COL15A1: variants seen among roughly 807,000 people sequenced by gnomAD.
COL15A1 encodes the protein collagen alpha-1(XV) chain.
In COL15A1, 111 loss-of-function variants were observed where a neutral mutation model predicts 165.9. That is an observed-to-expected ratio of 0.67 (90% CI 0.57 to 0.78). The LOEUF (loss-of-function observed/expected upper bound fraction) is 0.78, where lower values mean the gene tolerates loss of function less well. Ranked by LOEUF, COL15A1 falls within the 30% of genes least tolerant of loss-of-function variation. The probability of loss-of-function intolerance (pLI) is 0.00; values close to 1 mark genes in which losing one functional copy is unlikely to be tolerated. For missense variants in COL15A1, 1,745 were observed against 1,789.7 expected, an observed-to-expected ratio of 0.98 and a Z score of 0.45; for synonymous variants, 659 against 674.8, an observed-to-expected ratio of 0.98 and a Z score of 0.36.
At chr9:98,994,058 C>T (rs1838499671) in intron 5 of COL15A1, among the ~76,000 whole-genome samples, 1 of 138,630 alleles carries the variant, frequency 7.2e-6, no homozygotes, top group African/African-American at 2.7e-5. Context: ...ATTAACATCC[C>T]TGTGGTTCTC....
At chr9:99,024,766 C>A (rs1475127375) in intron 14 of COL15A1, 108 bp from the exon 15 acceptor site, 2 of 1,328,726 alleles carry the variant, frequency 1.5e-6, no homozygotes, top group Non-Finnish European at 2.1e-6. Context: ...GATCACCAAA[C>A]CCTACATGTA....
chr9:99,017,935 C>T (rs1410496855), intron 11 of COL15A1, among the ~76,000 whole-genome samples: 1 of 152,230 alleles, frequency 6.6e-6, no homozygotes, highest in Non-Finnish European at 1.5e-5. Context: ...ATTATCAACA[C>T]TGACAATCTT....
intron 31 of COL15A1, among the ~76,000 whole-genome samples, 176 bp from the exon 32 acceptor site, chr9:99,054,400 T>C (rs960120600): frequency 2.0e-5 from 3 of 152,222 alleles, no homozygotes; most frequent in African/African-American, 7.2e-5. Flanking sequence ...TGAGAATGTG[T>C]CTGAAGCATC....
At position 99,069,717 on chromosome 9, in the gene COL15A1, G is replaced by C. The variant is rs370429621; in HGVS notation, c.3998G>C (p.Arg1333Pro). The C allele has an allele frequency of 6.2e-7, 1 of 1,613,542 alleles. No individual in the cohort carries two copies. The highest frequency in any genetic ancestry group is 8.5e-7 in the Non-Finnish European group (1 of 1,179,464). The change falls in exon 42 of 42, where the codon CGC becomes CCC. Residue 1333 changes from arginine (R) to proline (P), a missense_variant. Physicochemically the swap from Arg to Pro is moderately radical, Grantham distance 103. Transcript: ENST00000375001. Reference protein sequence around the residue: ...IWHGSSPHGVRLVDNYCEAWR... With the variant: ...IWHGSSPHGVPLVDNYCEAWR... ...CATGGCTCCAGCCCCCATGGCGTCC[G>C]CCTTGTGGATAACTACTGTGAAGCA...
At position 98,997,210 on chromosome 9, in the gene COL15A1, G is replaced by A. The variant is rs1838564141; in HGVS notation, c.952+129G>A. On this transcript the variant is annotated intron_variant, in intron 6 of 41. Coordinates refer to ENST00000375001, the MANE Select transcript of COL15A1 (RefSeq NM_001855.5). ...CCCTCAACCCTTTAAGAAAGGGTGA[G>A]AACCACCCTCATTTTACAGACAAGA... 3.2e-5 allele frequency: 36 copies of A among 1,127,232 alleles called. No homozygotes were observed. In the South Asian group the frequency reaches 6.2e-4, roughly 19 times the overall value. The allele number at this position is 1,127,232 out of a possible 1,614,324, so 69.8% of individuals were successfully genotyped here.
At position 99,034,928 on chromosome 9, in the gene COL15A1, G is replaced by C. The variant is rs577401803; in HGVS notation, c.2080-86G>C. ...ATTCATCAACCTAATTAACTTCAAG[G>C]AGTGATTTTCTGATTCAGGCATGCA... On this transcript the variant is annotated intron_variant, in intron 17 of 41. Coordinates refer to ENST00000375001, the MANE Select transcript of COL15A1 (RefSeq NM_001855.5). The C allele has an allele frequency of 2.9e-4, 336 of 1,170,342 alleles. 4 individuals carry two copies. In the South Asian group the frequency reaches 4.0e-3, roughly 14 times the overall value. 72.5% of individuals were successfully genotyped at this position (1,170,342 alleles called of 1,614,324 possible). A position where few individuals can be genotyped will look rare whatever the true frequency, so the allele number is the denominator to read the frequency against.
At chr9:99,005,143 G>C in intron 9 of COL15A1, 93 bp downstream of exon 9, 1 of 1,304,140 alleles carries the variant, frequency 7.7e-7, no homozygotes, top group Non-Finnish European at 1.0e-6. Context: ...CAAACCCATG[G>C]GAGCCTGAGG....
At chr9:99,006,460 G>T (rs748791915) in intron 9 of COL15A1, among the ~76,000 whole-genome samples, 9 of 152,194 alleles carry the variant, frequency 5.9e-5, no homozygotes, top group Admixed American at 1.3e-4. Flanking sequence ...TTGTGCCCCT[G>T]GTCTGTCTGT....
intron 31 of COL15A1, among the ~76,000 whole-genome samples, chr9:99,052,665 C>A (rs1377353587): frequency 1.3e-5 from 2 of 152,188 alleles, no homozygotes; most frequent in Non-Finnish European, 2.9e-5. Context: ...TGGCAACAAG[C>A]ACTCTGTTCT....
chr9:98,976,009 T>A lies in COL15A1; in HGVS notation c.101-9556T>A, dbSNP rs192199927. Among the ~76,000 whole-genome samples, 23 of 152,228 alleles carry A rather than the reference T, an allele frequency of 1.5e-4. No homozygotes were observed. In the East Asian group the frequency reaches 4.2e-3, roughly 28 times the overall value. On this transcript the variant is annotated intron_variant, in intron 2 of 41. Coordinates refer to ENST00000375001, the MANE Select transcript of COL15A1 (RefSeq NM_001855.5). Reference sequence around the variant, plus strand: ...GAAGCAGAGGGTGTCTCGAGTAGAATTTTGCTTTTATGCTGAAGGCACTGG... The same window carrying A: ...GAAGCAGAGGGTGTCTCGAGTAGAAATTTGCTTTTATGCTGAAGGCACTGG...
chr9:99,050,307 C>G (rs2117878339), intron 30 of COL15A1, among the ~76,000 whole-genome samples: 1 of 152,326 alleles, frequency 6.6e-6, no homozygotes, highest in East Asian at 1.9e-4. Context: ...GTGATCACAT[C>G]ACTGCACCGC....
At position 98,964,517 on chromosome 9, in the gene COL15A1, A is replaced by G. The variant is rs555221046; in HGVS notation, c.100+20267A>G. Among the ~76,000 whole-genome samples, 288 of 152,332 alleles carry G rather than the reference A, an allele frequency of 1.9e-3. 2 individuals are homozygous for G. The highest frequency in any genetic ancestry group is 6.6e-3 in the African/African-American group (274 of 41,582). ...AGCAGGAAAGTCTGTAGAAAGACAC[A>G]GTGTGTTTGACAACAACCCTCGGAC... is the stretch of plus-strand genomic sequence containing the variant. On this transcript the variant is annotated intron_variant, in intron 2 of 41. Transcript: ENST00000375001.
At chr9:99,064,074 A>G (rs867086261) in intron 39 of COL15A1, among the ~76,000 whole-genome samples, 3 of 152,060 alleles carry the variant, frequency 2.0e-5, no homozygotes, top group Non-Finnish European at 4.4e-5. Context: ...CTCTCTATAG[A>G]CCACCTTCTG....
chr9:98,969,812 A>G (rs1265987307), intron 2 of COL15A1, among the ~76,000 whole-genome samples: 3 of 152,338 alleles, frequency 2.0e-5, no homozygotes, highest in Middle Eastern at 3.4e-3. Context: ...GAGGGCTTAA[A>G]ATCTCCAGTC....
At chr9:99,038,006 C>T (rs1312009936) in intron 21 of COL15A1, among the ~76,000 whole-genome samples, 1 of 151,972 alleles carries the variant, frequency 6.6e-6, no homozygotes, top group Non-Finnish European at 1.5e-5. Context: ...ATTAAGACAT[C>T]ACATCATGAA....
At chr9:99,034,475 T>C in intron 16 of COL15A1, 74 bp from the exon 17 acceptor site, 2 of 1,523,676 alleles carry the variant, frequency 1.3e-6, no homozygotes, top group Non-Finnish European at 1.8e-6. Context: ...AGTCCATAAT[T>C]GTGCATTGTC....
At chr9:99,069,315 T>C (rs1825947130) in intron 41 of COL15A1, among the ~76,000 whole-genome samples, 1 of 151,838 alleles carries the variant, frequency 6.6e-6, no homozygotes, top group Non-Finnish European at 1.5e-5. Context: ...TCATTTTTAC[T>C]TAGGGGTGAG....
In COL15A1 at chr9:98,944,171, C is replaced by G; in HGVS notation, c.21C>G (p.Asn7Lys). The G allele has an allele frequency of 1.9e-6, 3 of 1,614,100 alleles. No homozygotes were observed. The South Asian group carries it at 3.3e-5, about 18-fold the overall frequency. The stretch of plus-strand genomic sequence containing the variant: ...CGGGCACATCTTGCAGGAGGAACAA[C>G]GGGCAGTGCTGGTGTCTGCTGATGC... MAPRRN[N>K]GQCWCLLMLL... Residue 7 changes from asparagine (N) to lysine (K), a missense_variant, in exon 2 of 42, where the codon AAC (asparagine) becomes AAG (lysine). Physicochemically the swap from Asn to Lys is moderately conservative, Grantham distance 94 (BLOSUM62 0). Coordinates refer to ENST00000375001, the MANE Select transcript of COL15A1 (RefSeq NM_001855.5).
intron 39 of COL15A1, among the ~76,000 whole-genome samples, chr9:99,063,393 A>T (rs1229217988): frequency 6.6e-6 from 1 of 152,176 alleles, no homozygotes; most frequent in Non-Finnish European, 1.5e-5. Context: ...GGTGGGAGAG[A>T]GGCAAAGGGA....
Sources: allele counts gnomAD v4.1 joint callset (sites outside exome capture counted in the v4.1 genomes callset), GRCh38; gene constraint gnomAD v4.1.1; transcripts MANE v1.5; gene names NCBI Gene and HGNC (gene_info 2026-07-23, HGNC 2026-07-21).